Variants in SPOCK2 observed in about 807,000 individuals in gnomAD.
The protein encoded by SPOCK2 is testican-2.
Under a neutral mutation model 60.1 loss-of-function variants are expected in SPOCK2, and 39 were observed. That is an observed-to-expected ratio of 0.65 (90% confidence interval 0.50 to 0.85). The LOEUF is 0.85. Among genes scored for constraint, SPOCK2 ranks in the 40% least tolerant of loss-of-function variants. The pLI is 0.00. For synonymous variants in SPOCK2, 217 were observed against 231.5 expected, an observed-to-expected ratio of 0.94 and a Z score of 0.57; for missense variants, 523 against 567.4, an observed-to-expected ratio of 0.92 and a Z score of 0.80.
In SPOCK2 at chr10:72,074,113, CT is replaced by C. The variant is rs575748165; in HGVS notation, c.190-1204del. ...CAGAGATGTGTAGGGGTGAGCAGAG[CT>C]GTCAGGTCTGGGGGAAAAGGGCGGT... On this transcript the variant is annotated intron_variant, in intron 1 of 10. Coordinates refer to ENST00000373109, the MANE Select transcript of SPOCK2 (RefSeq NM_001244950.2). Among the ~76,000 whole-genome samples the C allele has an allele frequency of 8.1e-4, 124 of 152,292 alleles. 1 individual carries two copies. In the Middle Eastern group the frequency reaches 0.014, roughly 17 times the overall value.
At chr10:72,079,558 C>T (rs1329877359) in intron 1 of SPOCK2, among the ~76,000 whole-genome samples, 2 of 152,188 alleles carry the variant, frequency 1.3e-5, no homozygotes, top group Non-Finnish European at 2.9e-5. Flanking sequence ...GCAGTGAGTG[C>T]GCAGGCCTAG....
chr10:72,062,917 T>C lies in SPOCK2; in HGVS notation c.1130-12A>G, dbSNP rs1159236011. 6.3e-7 allele frequency: 1 copy of C among 1,595,248 alleles called. No homozygotes were observed. Among genetic ancestry groups the C allele is most frequent in the Non-Finnish European group, 8.5e-7 (1 of 1,174,144 alleles). ...GCCCACGATGTCATCTGTGAGGGGA[T>C]CAAGCCAACAGGGGGTGAGGGAGCT... On this transcript the variant is annotated splice_polypyrimidine_tract_variant and intron_variant, in intron 10 of 10. Coordinates refer to ENST00000373109, the MANE Select transcript of SPOCK2 (RefSeq NM_001244950.2). This position sits in a 1 kb window ranked among gnomAD's most constrained non-coding sequence, Gnocchi z 4.3.
chr10:72,079,168 CAGG>C (rs1840752630), intron 1 of SPOCK2, among the ~76,000 whole-genome samples: 1 of 152,164 alleles, frequency 6.6e-6, no homozygotes, highest in Admixed American at 6.5e-5. Context: ...AGCAATTGCA[CAGG>C]AGAAGAGTGC....
At chr10:72,070,028 T>C (rs1246757389) in intron 5 of SPOCK2, 1 of 312,970 alleles carries the variant, frequency 3.2e-6, no homozygotes, top group Non-Finnish European at 6.0e-6. Flanking sequence ...TCAGTTCCTT[T>C]GACTTGCAGT....
chr10:72,072,422 CA>C (rs1473204003), intron 3 of SPOCK2, 80 bp downstream of exon 3: 5 of 1,594,684 alleles, frequency 3.1e-6, no homozygotes, highest in Non-Finnish European at 4.3e-6. Flanking sequence ...AAGGAGCCCC[CA>C]AGCGGGCTAA....
In SPOCK2 at chr10:72,068,253, G is replaced by A. The variant is rs763573105; in HGVS notation, c.523C>T (p.Arg175Ter). ...GGGCAGGGGCAGGGGCCCTCGCATC[G>A]CACCGCCAGCTGCTTGCTGCTCAGG... ...ACLSSKQLAV[R>*]CEGPCPCPTE... Residue 175 changes from arginine to a stop codon, truncating the protein, a stop_gained, in exon 6 of 11, where the codon CGA becomes TGA. Coordinates refer to ENST00000373109, the MANE Select transcript of SPOCK2 (RefSeq NM_001244950.2). LOFTEE classifies it high-confidence loss of function. The A allele has an allele frequency of 6.2e-6, 10 of 1,611,932 alleles. No individual in the cohort carries two copies. Among genetic ancestry groups the A allele is most frequent in the Non-Finnish European group, 8.5e-6 (10 of 1,179,380 alleles).
intron 1 of SPOCK2, among the ~76,000 whole-genome samples, chr10:72,077,163 C>T (rs902435259): frequency 6.6e-6 from 1 of 152,172 alleles, no homozygotes; most frequent in African/African-American, 2.4e-5. Flanking sequence ...CTCTGTCACC[C>T]AGGCAGGAGT....
At chr10:72,079,653 T>C (rs1840757785) in intron 1 of SPOCK2, among the ~76,000 whole-genome samples, 1 of 152,192 alleles carries the variant, frequency 6.6e-6, no homozygotes, top group Non-Finnish European at 1.5e-5. Context: ...ACCCGCTCAC[T>C]TCACAGCTTG....
chr10:72,069,160 TCTC>T, intron 5 of SPOCK2: 22 of 160,174 alleles, frequency 1.4e-4, no homozygotes, highest in South Asian at 3.8e-4. Context: ...CTCCTCTTCT[TCTC>T]CTCCTCCTCT....
At chr10:72,078,322 G>C (rs1310948316) in intron 1 of SPOCK2, among the ~76,000 whole-genome samples, 1 of 152,010 alleles carries the variant, frequency 6.6e-6, no homozygotes, top group Non-Finnish European at 1.5e-5. Context: ...GAGCACCCTG[G>C]ATAACACGGT....
chr10:72,082,869 A>G (rs1840805222), intron 1 of SPOCK2, among the ~76,000 whole-genome samples: 2 of 151,086 alleles, frequency 1.3e-5, no homozygotes, highest in Admixed American at 1.3e-4. Context: ...AAAAAAAAAA[A>G]AAAAAAAAGA....
rs754762868 is a variant in SPOCK2, at chr10:72,072,170, G to A, written c.333C>T (p.Cys111=). ...CIAQGYQRAM[C]ISRKKLEHRI... ...TGTGCTCCAGCTTCTTGCGACTGAT[G>A]CACATGGCCCGCTGGTAGCCCTGGG... Residue 111 remains cysteine, a synonymous_variant, in exon 4 of 11, where the codon TGC becomes TGT. Transcript: ENST00000373109. The A allele has an allele frequency of 4.6e-6, 7 of 1,537,340 alleles. No individual in the cohort carries two copies. The highest frequency in any genetic ancestry group is 6.1e-6 in the Non-Finnish European group (7 of 1,142,552).
At chr10:72,065,998 C>A (rs1213648275) in intron 8 of SPOCK2, among the ~76,000 whole-genome samples, 2 of 152,272 alleles carry the variant, frequency 1.3e-5, no homozygotes, top group African/African-American at 2.4e-5. Context: ...TGCCGATCCC[C>A]CACCAAGATG....
At chr10:72,076,613 C>A (rs2131819021) in intron 1 of SPOCK2, among the ~76,000 whole-genome samples, 1 of 152,330 alleles carries the variant, frequency 6.6e-6, no homozygotes, top group South Asian at 2.1e-4. Flanking sequence ...GAGATGGGGT[C>A]TTGCCATGTT....
intron 5 of SPOCK2, 173 bp downstream of exon 5, chr10:72,070,139 C>T: frequency 1.7e-6 from 1 of 597,758 alleles, no homozygotes; most frequent in Non-Finnish European, 2.9e-6. Flanking sequence ...TAGTTCCAGC[C>T]AGGGCTGCAG....
In SPOCK2 at chr10:72,062,456, C is replaced by T; in HGVS notation, c.*304G>A. 2.3e-6 allele frequency: 1 copy of T among 427,612 alleles called. No individual in the cohort carries two copies. Among genetic ancestry groups the T allele is most frequent in the Non-Finnish European group, 4.1e-6 (1 of 243,742 alleles). The allele number at this position is 427,612 out of a possible 1,614,324, so 26.5% of individuals were successfully genotyped here. A position where few individuals can be genotyped will look rare whatever the true frequency, so the allele number is the denominator to read the frequency against. ...CCAACAACAAAAGGAAAGAAAACAG[C>T]TACAAGGAGGCCGAAGGGGCCTTTG... On this transcript the variant is annotated 3_prime_UTR_variant, in exon 11 of 11. Coordinates refer to ENST00000373109, the MANE Select transcript of SPOCK2 (RefSeq NM_001244950.2). This position sits in a 1 kb window ranked among gnomAD's most constrained non-coding sequence, Gnocchi z 4.3.
intron 1 of SPOCK2, among the ~76,000 whole-genome samples, chr10:72,082,432 C>T (rs897539575): frequency 6.6e-6 from 1 of 152,138 alleles, no homozygotes; most frequent in African/African-American, 2.4e-5. Flanking sequence ...ATATCTGTGT[C>T]CCCCCCAGAC....
intron 4 of SPOCK2, among the ~76,000 whole-genome samples, chr10:72,071,919 A>T (rs376839197): frequency 6.6e-6 from 1 of 152,120 alleles, no homozygotes; most frequent in Non-Finnish European, 1.5e-5. Flanking sequence ...CAGCACCTTG[A>T]CTATAACCTC....
chr10:72,087,154 G>A lies in SPOCK2; in HGVS notation c.189+986C>T, dbSNP rs3780943. 1.7e-3 allele frequency among the ~76,000 whole-genome samples: 252 copies of A among 149,866 alleles called. 4 individuals carry two copies. The East Asian group carries it at 0.046, about 27-fold the overall frequency. The stretch of plus-strand genomic sequence containing the variant: ...ATCTCGGGGTCCAGCCACACCCTCC[G>A]CCCGCCCTGCCTCACCCCTGCTTCC... On this transcript the variant is annotated intron_variant, in intron 1 of 10. Coordinates refer to ENST00000373109, the MANE Select transcript of SPOCK2 (RefSeq NM_001244950.2). This position sits in a 1 kb window ranked among gnomAD's most constrained non-coding sequence, Gnocchi z 4.7.
Sources: gnomAD v4.1 joint callset for allele counts (sites outside exome capture counted in the v4.1 genomes callset) on GRCh38, gnomAD v4.1.1 for gene constraint, Gnocchi (gnomAD v3.1) non-coding constraint, MANE v1.5 for transcripts, NCBI Gene and HGNC (gene_info 2026-07-23, HGNC 2026-07-21) for gene names.